Variants in TMTC2 observed in about 807,000 individuals in gnomAD.
TMTC2 encodes transmembrane O-mannosyltransferase targeting cadherins 2, also known as protein O-mannosyl-transferase TMTC2.
In TMTC2, 43 loss-of-function variants were observed where a neutral mutation model predicts 82.4. That is an observed-to-expected ratio of 0.52 (90% CI 0.41 to 0.67). The LOEUF (loss-of-function observed/expected upper bound fraction) is 0.67, where lower values mean the gene tolerates loss of function less well. Among genes scored for constraint, TMTC2 ranks in the 30% least tolerant of loss-of-function variants. TMTC2 has a pLI of 0.00. For synonymous variants in TMTC2, 408 were observed against 381.9 expected (o/e 1.07, Z -0.80); for missense variants, 919 against 1,012.4 (o/e 0.91, Z 1.25).
At chr12:82,917,472 A>C (rs1425551723) in intron 3 of TMTC2, among the ~76,000 whole-genome samples, 1 of 152,116 alleles carries the variant, frequency 6.6e-6, no homozygotes, top group Admixed American at 6.6e-5. Context: ...TCACTTCTGT[A>C]AGGCATGGTT....
intron 1 of TMTC2, among the ~76,000 whole-genome samples, chr12:82,778,587 C>T (rs1158825332): frequency 1.3e-5 from 2 of 151,788 alleles, no homozygotes; most frequent in Non-Finnish European, 2.9e-5. Flanking sequence ...CAGTGGCTAA[C>T]GCCTGTAATC....
chr12:82,805,055 A>G (rs1226538605), intron 1 of TMTC2, among the ~76,000 whole-genome samples: 1 of 152,134 alleles, frequency 6.6e-6, no homozygotes, highest in Non-Finnish European at 1.5e-5. Flanking sequence ...CGTCCACCCT[A>G]CTGCTGTGTC....
At chr12:83,062,434 T>C (rs1331062852) in intron 11 of TMTC2, among the ~76,000 whole-genome samples, 2 of 151,936 alleles carry the variant, frequency 1.3e-5, no homozygotes, top group African/African-American at 4.8e-5. Flanking sequence ...CTTCTAAGCA[T>C]GTTTTATTTG....
chr12:83,064,552 G>A (rs1882853449), intron 11 of TMTC2, among the ~76,000 whole-genome samples: 1 of 151,864 alleles, frequency 6.6e-6, no homozygotes, highest in Admixed American at 6.6e-5. Context: ...TCAGAATTGT[G>A]TTTTGACTTA....
intron 7 of TMTC2, among the ~76,000 whole-genome samples, chr12:82,985,521 C>A (rs968591529): frequency 6.6e-6 from 1 of 151,950 alleles, no homozygotes. Flanking sequence ...TAAGGCTTTC[C>A]ACTTGGTTAT....
chr12:83,130,641 T>G (rs1180703638), intron 11 of TMTC2, among the ~76,000 whole-genome samples: 1 of 152,124 alleles, frequency 6.6e-6, no homozygotes, highest in Non-Finnish European at 1.5e-5. Flanking sequence ...AAATCAAAAT[T>G]TTAAAGACTG....
intron 1 of TMTC2, among the ~76,000 whole-genome samples, chr12:82,765,411 G>A (rs1009609119): frequency 2.6e-5 from 4 of 152,114 alleles, no homozygotes; most frequent in South Asian, 2.1e-4. Context: ...GCGGCAGCTC[G>A]TGCCTGTAAT....
intron 1 of TMTC2, chr12:82,690,382 T>C (rs1214282734): frequency 2.0e-6 from 2 of 985,322 alleles, no homozygotes; most frequent in African/African-American, 3.5e-5. Flanking sequence ...TCAAGGGAGA[T>C]GGCTGTTATT....
intron 4 of TMTC2, among the ~76,000 whole-genome samples, chr12:82,945,755 G>A (rs535130499): frequency 6.6e-6 from 1 of 152,250 alleles, no homozygotes; most frequent in East Asian, 1.9e-4. Flanking sequence ...TGTGAGTTAA[G>A]AATTATTTCC....
At chr12:82,822,780 A>G (rs1157745319) in intron 1 of TMTC2, among the ~76,000 whole-genome samples, 1 of 152,208 alleles carries the variant, frequency 6.6e-6, no homozygotes, top group Non-Finnish European at 1.5e-5. Flanking sequence ...ATTTGATAAA[A>G]ATACCTGTGA....
At chr12:82,854,326 T>TA (rs1489867890) in intron 1 of TMTC2, among the ~76,000 whole-genome samples, 1 of 152,184 alleles carries the variant, frequency 6.6e-6, no homozygotes, top group African/African-American at 2.4e-5. Context: ...TATGGTCTTT[T>TA]GTAACAGGGA....
At chr12:82,823,878 G>T (rs1226238907) in intron 1 of TMTC2, among the ~76,000 whole-genome samples, 1 of 150,730 alleles carries the variant, frequency 6.6e-6, no homozygotes, top group African/African-American at 2.4e-5. Flanking sequence ...AGTCCTTGTT[G>T]CTGGCCATTA....
At chr12:82,914,150 G>A (rs1265025562) in intron 3 of TMTC2, among the ~76,000 whole-genome samples, 2 of 152,142 alleles carry the variant, frequency 1.3e-5, no homozygotes, top group African/African-American at 4.8e-5. Flanking sequence ...AAGTACAGAA[G>A]AAATGCTTTA....
At chr12:82,968,011 G>GT (rs1878293070) in intron 7 of TMTC2, among the ~76,000 whole-genome samples, 1 of 152,034 alleles carries the variant, frequency 6.6e-6, no homozygotes, top group South Asian at 2.1e-4. Context: ...TACACACCTG[G>GT]TAAGAACACT....
intron 11 of TMTC2, among the ~76,000 whole-genome samples, chr12:83,078,389 G>A (rs1883359113): frequency 6.6e-6 from 1 of 152,132 alleles, no homozygotes; most frequent in African/African-American, 2.4e-5. Flanking sequence ...GGAATCAACA[G>A]CTGCTCTTTA....
At chr12:82,741,903 A>G (rs921964652) in intron 1 of TMTC2, among the ~76,000 whole-genome samples, 3 of 152,174 alleles carry the variant, frequency 2.0e-5, no homozygotes, top group African/African-American at 7.2e-5. Flanking sequence ...CTGGTATTAC[A>G]GTGATCAAGA....
intron 2 of TMTC2, among the ~76,000 whole-genome samples, chr12:82,862,177 T>A (rs1871587374): frequency 6.6e-6 from 1 of 152,322 alleles, no homozygotes; most frequent in Non-Finnish European, 1.5e-5. Context: ...TGAAATACAC[T>A]TAGCCTTGCA....
At chr12:82,940,232 G>T (rs1485199713) in intron 4 of TMTC2, among the ~76,000 whole-genome samples, 6 of 151,686 alleles carry the variant, frequency 4.0e-5, no homozygotes, top group Non-Finnish European at 8.8e-5. Context: ...AGTCAGGTTG[G>T]TCTCGAACTC....
intron 11 of TMTC2, among the ~76,000 whole-genome samples, chr12:83,081,865 C>A (rs1247758938): frequency 6.6e-6 from 1 of 151,690 alleles, no homozygotes; most frequent in African/African-American, 2.4e-5. Context: ...GTAACAAGAC[C>A]CTGTTGTTAC....
Sources: allele counts gnomAD v4.1 joint callset (sites outside exome capture counted in the v4.1 genomes callset), GRCh38; gene constraint gnomAD v4.1.1; transcripts MANE v1.5; gene names NCBI Gene and HGNC (gene_info 2026-07-23, HGNC 2026-07-21).